The following TICRR variants were observed in gnomAD, a reference collection of about 807,000 sequenced individuals.
The protein encoded by TICRR is TOPBP1 interacting checkpoint and replication regulator.
Under a neutral mutation model 178.1 loss-of-function variants are expected in TICRR, and 132 were observed. The ratio of observed to expected loss-of-function variants is 0.74; its 90% CI spans 0.64 to 0.86. The LOEUF (loss-of-function observed/expected upper bound fraction) is 0.86, where lower values mean the gene tolerates loss of function less well. TICRR is among the 40% of genes least tolerant of loss of function. The pLI is 0.00. For synonymous variants in TICRR, 991 were observed against 900.7 expected (o/e 1.10, Z -1.79); for missense variants, 2,587 against 2,334.3 (o/e 1.11, Z -2.23).
At chr15:89,610,083 G>C (rs1266066976) in intron 15 of TICRR, among the ~76,000 whole-genome samples, 1 of 152,020 alleles carries the variant, frequency 6.6e-6, no homozygotes, top group East Asian at 1.9e-4. Flanking sequence ...TCATTCTATT[G>C]TTGTAAAACA....
intron 6 of TICRR, 70 bp from the exon 7 acceptor site, chr15:89,595,323 T>A: frequency 9.3e-7 from 1 of 1,076,582 alleles, no homozygotes; most frequent in Non-Finnish European, 1.4e-6. Context: ...GTAATCTGAA[T>A]TAAAGTAGTT....
chr15:89,625,871 G>C, intron 20 of TICRR, 65 bp from the exon 21 acceptor site: 1 of 1,543,644 alleles, frequency 6.5e-7, no homozygotes, highest in Non-Finnish European at 8.7e-7. Flanking sequence ...GTTGCTTCTT[G>C]GGAGGCCTGG....
rs79081352 is a variant in TICRR, at chr15:89,600,229, A to G, written c.2053-356A>G. Among the ~76,000 whole-genome samples the G allele has an allele frequency of 1.4e-3, 214 of 152,326 alleles. 1 individual carries two copies. Among genetic ancestry groups the G allele is most frequent in the Non-Finnish European group, 2.4e-3 (166 of 68,022 alleles). Reference sequence around the variant, plus strand: ...TGGGAGTGTTGCAAACCACTGTTTTAGACCGTGTTGTTGTTTTATTCATGT... The same window carrying G: ...TGGGAGTGTTGCAAACCACTGTTTTGGACCGTGTTGTTGTTTTATTCATGT... On this transcript the variant is annotated intron_variant, in intron 8 of 21. Transcript: ENST00000268138.
chr15:89,611,310 A>G (rs190489727), intron 15 of TICRR, among the ~76,000 whole-genome samples: 4 of 152,238 alleles, frequency 2.6e-5, no homozygotes, highest in Non-Finnish European at 2.9e-5. Flanking sequence ...AGGACTTCAA[A>G]TGTGACATCC....
intron 8 of TICRR, among the ~76,000 whole-genome samples, chr15:89,600,253 G>A (rs1963071643): frequency 6.6e-6 from 1 of 152,140 alleles, no homozygotes; most frequent in Non-Finnish European, 1.5e-5. Context: ...TTTTATTCAT[G>A]TTCAGTGGCC....
chr15:89,600,047 A>G (rs1963067994), intron 8 of TICRR, among the ~76,000 whole-genome samples: 1 of 152,224 alleles, frequency 6.6e-6, no homozygotes, highest in Non-Finnish European at 1.5e-5. Flanking sequence ...TGGAGGTTGC[A>G]GTGAGGCAAG....
intron 1 of TICRR, among the ~76,000 whole-genome samples, chr15:89,577,325 C>G (rs1962641575): frequency 6.6e-6 from 1 of 152,126 alleles, no homozygotes; most frequent in Non-Finnish European, 1.5e-5. Context: ...GGTGAGGCCC[C>G]CTGCTCCTGT....
chr15:89,580,510 C>T (rs559902974), intron 1 of TICRR, among the ~76,000 whole-genome samples: 1 of 152,178 alleles, frequency 6.6e-6, no homozygotes, highest in Non-Finnish European at 1.5e-5. Flanking sequence ...GATATAGATA[C>T]ATGGGTGGTA....
chr15:89,595,628 A>G lies in TICRR; in HGVS notation c.1900+17A>G, dbSNP rs1406264543. On this transcript the variant is annotated intron_variant, in intron 7 of 21. Transcript: ENST00000268138. Reference sequence around the variant, plus strand: ...AACCTAAAGGTATTCCTCTTAGTCTATAATTTACTCTTTTATACCCCGCTT... The same window carrying G: ...AACCTAAAGGTATTCCTCTTAGTCTGTAATTTACTCTTTTATACCCCGCTT... 2 of 1,595,004 alleles carry G rather than the reference A, an allele frequency of 1.3e-6. No individual in the cohort carries two copies. Among genetic ancestry groups the G allele is most frequent in the Admixed American group, 1.7e-5 (1 of 59,208 alleles).
intron 8 of TICRR, 123 bp downstream of exon 8, chr15:89,599,598 A>G (rs147491195): frequency 1.6e-5 from 16 of 971,500 alleles, no homozygotes; most frequent in Middle Eastern, 2.3e-4. Context: ...AAATGGTAAG[A>G]TAAGTAAGGG....
chr15:89,614,919 C>G (rs1963310340), intron 15 of TICRR, among the ~76,000 whole-genome samples: 1 of 152,144 alleles, frequency 6.6e-6, no homozygotes, highest in Non-Finnish European at 1.5e-5. Flanking sequence ...GTTTAGAATT[C>G]CACTTCACTT....
At position 89,576,157 on chromosome 15, in the gene TICRR, A is replaced by C; in HGVS notation, c.571A>C (p.Lys191Gln). ...GCCCACCCCTAAGCAGGTGATGGAG[A>C]AGTTGTTGCCCAAGAGAGTCCGGGA... ...LPPTPKQVMEKLLPKRVREVM... is the reference protein window; with the variant it reads ...LPPTPKQVMEQLLPKRVREVM... Residue 191 changes from lysine (K) to glutamine (Q), a missense_variant, in exon 1 of 22, where the codon AAG becomes CAG. Physicochemically the swap from Lys to Gln is moderately conservative, Grantham distance 53. Transcript: ENST00000268138. 3 of 1,605,842 alleles carry C rather than the reference A, an allele frequency of 1.9e-6. No individual in the cohort carries two copies. The highest frequency in any genetic ancestry group is 2.5e-6 in the Non-Finnish European group (3 of 1,179,926).
rs1188054093 is a variant in TICRR, at chr15:89,601,710, T to TC, written c.2328-25dup. ...ATAGAGAGGGTAAGATGGTAACTGT[T>TC]CCGTATTCGATCAATCTGTTCCACA... is the stretch of plus-strand genomic sequence containing the variant. On this transcript the variant is annotated intron_variant, in intron 11 of 21. Transcript: ENST00000268138. 4 of 1,613,752 alleles carry TC rather than the reference T, an allele frequency of 2.5e-6. No homozygotes were observed. In the African/African-American group the frequency reaches 5.3e-5, roughly 22 times the overall value.
chr15:89,580,995 C>T (rs555708408), intron 1 of TICRR, among the ~76,000 whole-genome samples: 1 of 152,260 alleles, frequency 6.6e-6, no homozygotes, highest in Non-Finnish European at 1.5e-5. Flanking sequence ...ATGTTCATAC[C>T]ACTGCACTCC....
At chr15:89,608,641 T>C in intron 14 of TICRR, 162 bp from the exon 15 acceptor site, 1 of 521,518 alleles carries the variant, frequency 1.9e-6, no homozygotes, top group Non-Finnish European at 3.1e-6. Flanking sequence ...TAATGCATTA[T>C]GGGAATATGC....
intron 15 of TICRR, among the ~76,000 whole-genome samples, chr15:89,613,425 T>C (rs1963283867): frequency 6.6e-6 from 1 of 152,222 alleles, no homozygotes; most frequent in East Asian, 1.9e-4. Context: ...ATTCTACTTG[T>C]ATTGAGTTTC....
chr15:89,577,868 C>T (rs1962653441), intron 1 of TICRR, among the ~76,000 whole-genome samples: 1 of 151,634 alleles, frequency 6.6e-6, no homozygotes, highest in African/African-American at 2.4e-5. Flanking sequence ...ACCTCAGCCT[C>T]CCAAAGTGCT....
intron 17 of TICRR, 62 bp from the exon 18 acceptor site, chr15:89,619,646 A>C: frequency 6.5e-7 from 1 of 1,549,202 alleles, no homozygotes; most frequent in Non-Finnish European, 8.7e-7. Flanking sequence ...GTTTTGGACA[A>C]CATGAGAAAA....
chr15:89,582,325 A>G (rs1331758937), intron 1 of TICRR: 2 of 145,670 alleles, frequency 1.4e-5, no homozygotes, highest in African/African-American at 5.4e-5. Flanking sequence ...CTCTGACTCA[A>G]AAAAAAAAAA....
Sources: gnomAD v4.1 joint callset for allele counts (sites outside exome capture counted in the v4.1 genomes callset) on GRCh38, gnomAD v4.1.1 for gene constraint, MANE v1.5 for transcripts, NCBI Gene and HGNC (gene_info 2026-07-23, HGNC 2026-07-21) for gene names.